Variants in MAGI1 observed in about 807,000 individuals in gnomAD.
MAGI1 encodes membrane-associated guanylate kinase, WW and PDZ domain-containing protein 1.
A neutral mutation model predicts 139.9 loss-of-function variants in MAGI1; 58 were observed. That is an observed-to-expected ratio of 0.41 (90% CI 0.34 to 0.52). The LOEUF (loss-of-function observed/expected upper bound fraction) is 0.52, where lower values mean the gene tolerates loss of function less well. Among genes scored for constraint, MAGI1 ranks in the 20% least tolerant of loss-of-function variants. The pLI, the probability that MAGI1 is intolerant of heterozygous loss-of-function variation, is 0.12. For synonymous variants in MAGI1, 812 were observed against 737.9 expected (o/e 1.10, Z -1.63); for missense variants, 1,874 against 1,901.6 (o/e 0.99, Z 0.27).
chr3:65,489,326 C>CA (rs1246863514), intron 3 of MAGI1, among the ~76,000 whole-genome samples: 3 of 152,082 alleles, frequency 2.0e-5, no homozygotes, highest in African/African-American at 7.2e-5. Context: ...CCTTGCCTCA[C>CA]AAAAAAAGTC....
intron 5 of MAGI1, among the ~76,000 whole-genome samples, chr3:65,469,572 T>C (rs1950423702): frequency 2.0e-5 from 3 of 151,968 alleles, no homozygotes; most frequent in African/African-American, 4.8e-5. Flanking sequence ...ACCTAATTCA[T>C]ACACCTTGCA....
intron 2 of MAGI1, among the ~76,000 whole-genome samples, chr3:65,526,459 T>C (rs9311944): frequency 0.027 from 4,171 of 152,310 alleles, 187 homozygotes; most frequent in African/African-American, 0.092. Flanking sequence ...GCTACCAAGC[T>C]GCCCAGAATT....
rs575732770 is a variant in MAGI1 at position 65,594,694 on chromosome 3, AAAAC to A, written c.430+27274_430+27277del. Among the ~76,000 whole-genome samples the A allele has an allele frequency of 2.8e-4, 43 of 152,366 alleles. No individual in the cohort carries two copies. In the East Asian group the frequency reaches 7.9e-3, roughly 28 times the overall value. Reference sequence around the variant, plus strand: ...ATAAGAAATTTTTTTTTCAAAGGAAAAAACAAACATGCTGAGAAAATGGTGATTA... The same window carrying A: ...ATAAGAAATTTTTTTTTCAAAGGAAAAAACATGCTGAGAAAATGGTGATTA... On this transcript the variant is annotated intron_variant, in intron 2 of 22. Transcript: ENST00000402939.
chr3:65,581,365 A>G (rs2081414127), intron 2 of MAGI1, among the ~76,000 whole-genome samples: 1 of 151,546 alleles, frequency 6.6e-6, no homozygotes, highest in Non-Finnish European at 1.5e-5. Context: ...ACTGTACAAG[A>G]AAAAAAAAGG....
intron 12 of MAGI1, among the ~76,000 whole-genome samples, chr3:65,408,972 C>A (rs1945565263): frequency 6.6e-6 from 1 of 152,210 alleles, no homozygotes; most frequent in Non-Finnish European, 1.5e-5. Context: ...AGAGTGGTAA[C>A]TTCTGTGATG....
chr3:65,431,277 T>G (rs1299870269), intron 10 of MAGI1, among the ~76,000 whole-genome samples: 22 of 152,196 alleles, frequency 1.4e-4, no homozygotes, highest in Admixed American at 1.4e-3. Flanking sequence ...CTATATGGCT[T>G]CTGATGTGCT....
intron 1 of MAGI1, among the ~76,000 whole-genome samples, chr3:66,002,361 A>G (rs543576390): frequency 6.6e-6 from 1 of 152,194 alleles, no homozygotes; most frequent in Non-Finnish European, 1.5e-5. Context: ...ACAGAACACA[A>G]TACTACCATT....
At chr3:65,494,329 G>A (rs116476659) in intron 2 of MAGI1, among the ~76,000 whole-genome samples, 1,738 of 152,210 alleles carry the variant, frequency 0.011, 20 homozygotes, top group Non-Finnish European at 0.019. Flanking sequence ...CAAATGTAAC[G>A]CTTCCTCTTA....
chr3:65,704,216 C>T (rs898591525), intron 1 of MAGI1, among the ~76,000 whole-genome samples: 4 of 152,212 alleles, frequency 2.6e-5, no homozygotes, highest in East Asian at 1.9e-4. Flanking sequence ...TCCACCAACA[C>T]GAACAGGCTT....
chr3:65,395,662 G>T (rs1051543232), intron 13 of MAGI1, among the ~76,000 whole-genome samples: 2 of 51,238 alleles, frequency 3.9e-5, no homozygotes, highest in African/African-American at 6.1e-5. Context: ...AAAAAAGAGG[G>T]TGTGCTAAGT....
intron 13 of MAGI1, among the ~76,000 whole-genome samples, chr3:65,395,440 G>A (rs540790615): frequency 6.6e-6 from 1 of 151,126 alleles, no homozygotes; most frequent in East Asian, 2.0e-4. Flanking sequence ...TCAGGAGTTC[G>A]AAACCAGCCT....
intron 1 of MAGI1, among the ~76,000 whole-genome samples, chr3:65,834,519 G>A (rs55651217): frequency 0.49 from 74,609 of 152,066 alleles, 19,224 homozygotes; most frequent in East Asian, 0.76. Context: ...CTTGGTATAC[G>A]ATCTGTAGGT....
chr3:65,734,560 AGAGAGAGAGG>A (rs1261199260), intron 1 of MAGI1, among the ~76,000 whole-genome samples: 1 of 135,816 alleles, frequency 7.4e-6, no homozygotes, highest in East Asian at 1.9e-4. Flanking sequence ...AGAGAAAGAA[AGAGAGAGAGG>A]GAGAGAGAGA....
At chr3:65,590,101 A>G (rs2081900443) in intron 2 of MAGI1, among the ~76,000 whole-genome samples, 1 of 152,128 alleles carries the variant, frequency 6.6e-6, no homozygotes, top group South Asian at 2.1e-4. Flanking sequence ...TCCAGCCTTT[A>G]AAACGCATCA....
intron 2 of MAGI1, among the ~76,000 whole-genome samples, chr3:65,613,554 T>G (rs542940923): frequency 6.6e-6 from 1 of 152,200 alleles, no homozygotes; most frequent in Non-Finnish European, 1.5e-5. Flanking sequence ...TATGAGCTTT[T>G]ACGTTTGTAA....
chr3:65,646,846 T>C (rs1032773780), intron 1 of MAGI1, among the ~76,000 whole-genome samples: 2 of 151,610 alleles, frequency 1.3e-5, no homozygotes, highest in African/African-American at 4.8e-5. Flanking sequence ...CACATCGACA[T>C]AAATAAAAAA....
intron 1 of MAGI1, among the ~76,000 whole-genome samples, chr3:65,759,065 C>CAAAAAAAAA (rs200497203): frequency 5.5e-5 from 4 of 73,082 alleles, no homozygotes; most frequent in Admixed American, 2.2e-4. Flanking sequence ...AGGCCCAGTG[C>CAAAAAAAAA]AAAAAAAAAA....
chr3:65,859,802 G>T (rs2059489955), intron 1 of MAGI1, among the ~76,000 whole-genome samples: 1 of 151,770 alleles, frequency 6.6e-6, no homozygotes, highest in South Asian at 2.1e-4. Context: ...GGAGATTCCA[G>T]TCTACCTGAG....
chr3:65,450,482 TGAG>T (rs961458278), intron 6 of MAGI1, among the ~76,000 whole-genome samples: 5 of 152,294 alleles, frequency 3.3e-5, no homozygotes, highest in Admixed American at 2.6e-4. Context: ...GGGGGAATTT[TGAG>T]TATGCATAAA....
Sources: gnomAD v4.1 joint callset for allele counts (sites outside exome capture counted in the v4.1 genomes callset) on GRCh38, gnomAD v4.1.1 for gene constraint, MANE v1.5 for transcripts, NCBI Gene and HGNC (gene_info 2026-07-23, HGNC 2026-07-21) for gene names.